The following PDE4D variants were observed in gnomAD, a reference collection of about 807,000 sequenced individuals.
PDE4D encodes the protein phosphodiesterase 4D.
PDE4D carries 24 observed loss-of-function variants against 87.4 expected under a neutral mutation model. The ratio of observed to expected loss-of-function variants is 0.27; its 90% CI spans 0.20 to 0.39. The LOEUF (loss-of-function observed/expected upper bound fraction) is 0.39. Ranked by LOEUF, PDE4D falls within the 10% of genes least tolerant of loss-of-function variation. The probability of loss-of-function intolerance (pLI) is 1.00; values close to 1 mark genes in which losing one functional copy is unlikely to be tolerated. For missense variants in PDE4D, 714 were observed against 1,041.0 expected, an observed-to-expected ratio of 0.69 and a Z score of 4.32; for synonymous variants, 384 against 383.2, an observed-to-expected ratio of 1.00 and a Z score of -0.02.
At chr5:60,027,237 C>T (rs1184690653) in intron 2 of PDE4D, among the ~76,000 whole-genome samples, 1 of 152,138 alleles carries the variant, frequency 6.6e-6, no homozygotes, top group East Asian at 1.9e-4. Context: ...TCCCTCTTCC[C>T]TCTTGGAGTC....
chr5:59,526,252 A>G (rs987740716), intron 1 of PDE4D, among the ~76,000 whole-genome samples: 12 of 152,194 alleles, frequency 7.9e-5, no homozygotes, highest in African/African-American at 2.9e-4. Context: ...TGAGGAGCTT[A>G]TGTCCACTCT....
At chr5:59,292,793 C>G (rs1311443458) in intron 1 of PDE4D, among the ~76,000 whole-genome samples, 1 of 152,044 alleles carries the variant, frequency 6.6e-6, no homozygotes, top group African/African-American at 2.4e-5. Context: ...TAGGCTGTAG[C>G]CCCTGAGGAA....
chr5:59,195,523 A>G (rs1745281528), intron 2 of PDE4D, among the ~76,000 whole-genome samples: 1 of 152,236 alleles, frequency 6.6e-6, no homozygotes, highest in Admixed American at 6.5e-5. Flanking sequence ...ATGGGTGGTA[A>G]CGAGCCAGGC....
At chr5:59,245,715 G>A (rs532644691) in intron 1 of PDE4D, among the ~76,000 whole-genome samples, 5 of 152,080 alleles carry the variant, frequency 3.3e-5, no homozygotes, top group South Asian at 2.1e-4. Context: ...CAGGAGCTTC[G>A]TGCCTTTGGG....
intron 1 of PDE4D, among the ~76,000 whole-genome samples, chr5:59,262,964 G>T (rs1762276100): frequency 6.6e-6 from 1 of 151,848 alleles, no homozygotes; most frequent in Non-Finnish European, 1.5e-5. Flanking sequence ...GCAATGGAAG[G>T]TGTGCCTAGA....
At chr5:59,478,756 A>G (rs1803745992) in intron 1 of PDE4D, among the ~76,000 whole-genome samples, 1 of 152,078 alleles carries the variant, frequency 6.6e-6, no homozygotes, top group African/African-American at 2.4e-5. Context: ...ATAACTGAGG[A>G]TTATGGAAGT....
chr5:59,214,721 G>A (rs1278181578), intron 2 of PDE4D, among the ~76,000 whole-genome samples: 1 of 152,186 alleles, frequency 6.6e-6, no homozygotes, highest in Non-Finnish European at 1.5e-5. Flanking sequence ...GGAATAGAAA[G>A]TTGTTTAGAG....
At chr5:59,009,620 T>C (rs1752360857) in intron 6 of PDE4D, among the ~76,000 whole-genome samples, 1 of 151,988 alleles carries the variant, frequency 6.6e-6, no homozygotes, top group Admixed American at 6.6e-5. Flanking sequence ...AAGAGAAAAC[T>C]TTTTGGGTGG....
At chr5:60,161,479 T>C (rs1782470555) in intron 2 of PDE4D, among the ~76,000 whole-genome samples, 2 of 152,108 alleles carry the variant, frequency 1.3e-5, no homozygotes, top group African/African-American at 4.8e-5. Flanking sequence ...TGAAACAACA[T>C]ACTCAAGCAA....
chr5:60,003,790 C>T (rs1764227855), intron 2 of PDE4D, among the ~76,000 whole-genome samples: 1 of 151,014 alleles, frequency 6.6e-6, no homozygotes, highest in Middle Eastern at 3.5e-3. Context: ...TATTACAAAG[C>T]TATAGTAATC....
At chr5:59,369,717 A>G (rs1783656222) in intron 1 of PDE4D, among the ~76,000 whole-genome samples, 1 of 152,050 alleles carries the variant, frequency 6.6e-6, no homozygotes, top group Non-Finnish European at 1.5e-5. Context: ...AATTCTGTAA[A>G]CGGTCTCAGC....
chr5:59,443,204 T>C (rs774071030), intron 1 of PDE4D, among the ~76,000 whole-genome samples: 112 of 152,148 alleles, frequency 7.4e-4, no homozygotes, highest in Non-Finnish European at 1.5e-3. Context: ...TGAAGTAAAC[T>C]AATTCAGTTT....
intron 1 of PDE4D, among the ~76,000 whole-genome samples, chr5:59,308,461 A>G (rs572061925): frequency 6.6e-6 from 1 of 152,232 alleles, no homozygotes; most frequent in Non-Finnish European, 1.5e-5. Flanking sequence ...GTTTTTCTGA[A>G]AAAGACTGTA....
intron 1 of PDE4D, among the ~76,000 whole-genome samples, chr5:59,310,550 G>C (rs1188887275): frequency 6.6e-6 from 1 of 152,106 alleles, no homozygotes; most frequent in African/African-American, 2.4e-5. Flanking sequence ...ACTTTGGGGA[G>C]AGGACAATTC....
At chr5:60,059,118 T>G (rs1049398814) in intron 2 of PDE4D, among the ~76,000 whole-genome samples, 1 of 150,238 alleles carries the variant, frequency 6.7e-6, no homozygotes, top group African/African-American at 2.4e-5. Flanking sequence ...TATGATACAG[T>G]AATGGTGGAT....
At chr5:59,794,938 G>A (rs1221844366) in intron 1 of PDE4D, among the ~76,000 whole-genome samples, 1 of 152,164 alleles carries the variant, frequency 6.6e-6, no homozygotes, top group Admixed American at 6.5e-5. Context: ...GGATCCTGGA[G>A]AGAAGCTGCC....
intron 5 of PDE4D, among the ~76,000 whole-genome samples, chr5:59,168,672 AAAAGAAAGAG>A (rs1561613353): frequency 6.6e-6 from 1 of 151,746 alleles, no homozygotes. Flanking sequence ...AGAAAAAAGA[AAAAGAAAGAG>A]AGAGAGAGAG....
intron 1 of PDE4D, among the ~76,000 whole-genome samples, chr5:59,589,540 C>T (rs1479698197): frequency 6.6e-6 from 1 of 152,104 alleles, no homozygotes; most frequent in Non-Finnish European, 1.5e-5. Flanking sequence ...TAGAAAGTAG[C>T]AAATGCAAAG....
At chr5:59,912,982 T>G (rs745385218) in intron 3 of PDE4D, among the ~76,000 whole-genome samples, 1 of 152,130 alleles carries the variant, frequency 6.6e-6, no homozygotes, top group South Asian at 2.1e-4. Flanking sequence ...AGCTGAGAAC[T>G]GAATGACATG....
Sources: allele counts gnomAD v4.1 joint callset (sites outside exome capture counted in the v4.1 genomes callset), GRCh38; gene constraint gnomAD v4.1.1; transcripts MANE v1.5; gene names NCBI Gene and HGNC (gene_info 2026-07-23, HGNC 2026-07-21).